Variants in TSHZ2 observed in about 807,000 individuals in gnomAD.
TSHZ2 encodes the protein teashirt zinc finger homeobox 2, also known as teashirt homolog 2.
Under a neutral mutation model 74.4 loss-of-function variants are expected in TSHZ2, and 21 were observed. That is an observed-to-expected ratio of 0.28 (90% CI 0.20 to 0.41). The LOEUF (loss-of-function observed/expected upper bound fraction) is 0.41, where lower values mean the gene tolerates loss of function less well. Among genes scored for constraint, TSHZ2 ranks in the 10% least tolerant of loss-of-function variants. The probability of loss-of-function intolerance (pLI) is 1.00; values close to 1 mark genes in which losing one functional copy is unlikely to be tolerated. For synonymous variants in TSHZ2, 540 were observed against 515.3 expected (o/e 1.05, Z -0.65); for missense variants, 1,244 against 1,293.5 (o/e 0.96, Z 0.59).
intron 1 of TSHZ2, among the ~76,000 whole-genome samples, chr20:53,029,329 T>C (rs1218109955): frequency 6.6e-6 from 1 of 152,246 alleles, no homozygotes; most frequent in Non-Finnish European, 1.5e-5. Context: ...TTATTTGTAT[T>C]AGCCCAGAAA....
Position 53,255,064 on chromosome 20 carries a change from C to A in TSHZ2, c.1606C>A (p.Pro536Thr). ...CATCAACAAAGCCCAAAACGGGGCCCCCAGCTGGAGTGCCTACCCCAGCAT... is the reference window on the plus strand; with the variant it reads ...CATCAACAAAGCCCAAAACGGGGCCACCAGCTGGAGTGCCTACCCCAGCAT... ...TAINKAQNGA[P>T]SWSAYPSIHA... Residue 536 changes from proline (P) to threonine (T), a missense_variant, in exon 2 of 3, where the codon CCC becomes ACC. By Grantham distance (38) the Pro-to-Thr change is conservative. Around this residue, in one of 6 missense-constraint regions of TSHZ2, gnomAD observed 562 missense variants for 544.0 expected, o/e 1.03. Transcript: ENST00000371497. The surrounding 1 kb of genome is among the most constrained non-coding windows in gnomAD (Gnocchi z 4.1). The A allele has an allele frequency of 6.2e-7, 1 of 1,614,150 alleles. No homozygotes were observed. Among genetic ancestry groups the A allele is most frequent in the Non-Finnish European group, 8.5e-7 (1 of 1,180,032 alleles).
chr20:53,254,997 A>G lies in TSHZ2; in HGVS notation c.1539A>G (p.Gly513=). Reference sequence around the variant, plus strand: ...ACTTGGAAGATGGCTCAAAGGGTGGAGGGGACATTTTGAAATCTTTGGAAA... The same window carrying G: ...ACTTGGAAGATGGCTCAAAGGGTGGGGGGGACATTTTGAAATCTTTGGAAA... ...EEDLEDGSKG[G]GDILKSLENT... Residue 513 remains glycine, a synonymous_variant, in exon 2 of 3, where the codon GGA becomes GGG. Transcript: ENST00000371497. 4 of 1,614,216 alleles carry G rather than the reference A, an allele frequency of 2.5e-6. No individual in the cohort carries two copies. Among genetic ancestry groups the G allele is most frequent in the Non-Finnish European group, 3.4e-6 (4 of 1,180,040 alleles).
chr20:53,008,042 TTGTA>T (rs1982710516), intron 1 of TSHZ2, among the ~76,000 whole-genome samples: 1 of 152,128 alleles, frequency 6.6e-6, no homozygotes, highest in Non-Finnish European at 1.5e-5. Context: ...TTCCACTGAA[TTGTA>T]TGTGAGTTAA....
intron 2 of TSHZ2, among the ~76,000 whole-genome samples, chr20:53,316,251 G>T (rs1979012068): frequency 6.6e-6 from 1 of 152,200 alleles, no homozygotes; most frequent in Non-Finnish European, 1.5e-5. Context: ...GTTCATTGTT[G>T]TTGAGCTTGT....
intron 2 of TSHZ2, among the ~76,000 whole-genome samples, chr20:53,483,685 A>G (rs914566434): frequency 6.6e-6 from 1 of 152,220 alleles, no homozygotes; most frequent in Non-Finnish European, 1.5e-5. Context: ...AGTTAAGTAA[A>G]GACACACTAT....
chr20:53,026,981 T>C (rs1419908951), intron 1 of TSHZ2, among the ~76,000 whole-genome samples: 1 of 152,078 alleles, frequency 6.6e-6, no homozygotes, highest in East Asian at 1.9e-4. Flanking sequence ...CGAGACCCTG[T>C]CTTTATAAAC....
chr20:53,237,110 C>G (rs1164331423), intron 1 of TSHZ2, among the ~76,000 whole-genome samples: 2 of 152,170 alleles, frequency 1.3e-5, no homozygotes, highest in African/African-American at 4.8e-5. Flanking sequence ...TGTTGTGAGA[C>G]TGATCTAAAA....
At chr20:53,221,992 G>T (rs1989570962) in intron 1 of TSHZ2, among the ~76,000 whole-genome samples, 1 of 152,134 alleles carries the variant, frequency 6.6e-6, no homozygotes, top group South Asian at 2.1e-4. Flanking sequence ...ACTGACCAGG[G>T]TAATGACTTT....
At chr20:53,232,378 G>T (rs2123673743) in intron 1 of TSHZ2, among the ~76,000 whole-genome samples, 1 of 152,262 alleles carries the variant, frequency 6.6e-6, no homozygotes, top group Middle Eastern at 3.4e-3. Context: ...TGAGGAAACA[G>T]AAGGACCCAG....
At chr20:53,367,420 A>T (rs764132269) in intron 2 of TSHZ2, among the ~76,000 whole-genome samples, 8 of 151,918 alleles carry the variant, frequency 5.3e-5, no homozygotes, top group Non-Finnish European at 1.2e-4. Flanking sequence ...ATAAAATAAT[A>T]AAATAAATTT....
intron 1 of TSHZ2, among the ~76,000 whole-genome samples, chr20:52,993,711 C>T (rs939546757): frequency 1.3e-5 from 2 of 152,148 alleles, no homozygotes; most frequent in African/African-American, 4.8e-5. Context: ...TATAACCTTC[C>T]TTATTGAAAG....
intron 1 of TSHZ2, among the ~76,000 whole-genome samples, chr20:53,149,102 T>C (rs1987614105): frequency 6.6e-6 from 1 of 152,196 alleles, no homozygotes; most frequent in South Asian, 2.1e-4. Context: ...AAACTTTTTC[T>C]GTCTCTCTTC....
intron 2 of TSHZ2, among the ~76,000 whole-genome samples, chr20:53,328,012 C>A (rs1979566967): frequency 6.6e-6 from 1 of 152,314 alleles, no homozygotes; most frequent in Middle Eastern, 3.4e-3. Flanking sequence ...CAACCAGGGC[C>A]TGACCCTTGG....
At chr20:52,974,353 T>A (rs1349872288) in intron 1 of TSHZ2, among the ~76,000 whole-genome samples, 2 of 152,204 alleles carry the variant, frequency 1.3e-5, no homozygotes. Flanking sequence ...TCACTCACCA[T>A]GGTAACTCAG....
At chr20:53,438,035 C>T (rs1015299654) in intron 2 of TSHZ2, among the ~76,000 whole-genome samples, 1 of 152,026 alleles carries the variant, frequency 6.6e-6, no homozygotes, top group African/African-American at 2.4e-5. Context: ...CTTATAGCAA[C>T]GCAAAACAGA....
intron 2 of TSHZ2, among the ~76,000 whole-genome samples, chr20:53,275,501 G>A (rs1020144626): frequency 9.2e-5 from 14 of 152,112 alleles, no homozygotes; most frequent in Non-Finnish European, 1.5e-4. Context: ...GGATTTAGAG[G>A]GGTGGAGGTG....
At chr20:53,257,614 GTTTTCTCTACTTCT>G (rs1487339855) in intron 2 of TSHZ2, among the ~76,000 whole-genome samples, 1 of 152,194 alleles carries the variant, frequency 6.6e-6, no homozygotes. Context: ...GCCCATTTGT[GTTTTCTCTACTTCT>G]TTTTCTCTCC....
chr20:53,390,690 G>T (rs949703501), intron 2 of TSHZ2, among the ~76,000 whole-genome samples: 17 of 152,142 alleles, frequency 1.1e-4, no homozygotes, highest in Non-Finnish European at 1.6e-4. Flanking sequence ...GGGTCAAATG[G>T]TATTTCTGGT....
At chr20:53,120,726 C>T (rs1664093002) in intron 1 of TSHZ2, among the ~76,000 whole-genome samples, 1 of 152,166 alleles carries the variant, frequency 6.6e-6, no homozygotes, top group Non-Finnish European at 1.5e-5. Context: ...AAAGACAGGA[C>T]CCCTGGTGAT....
Sources: allele counts gnomAD v4.1 joint callset (sites outside exome capture counted in the v4.1 genomes callset), GRCh38; gene constraint gnomAD v4.1.1; regional missense constraint gnomAD v4.1.1; non-coding constraint Gnocchi (gnomAD v3.1); transcripts MANE v1.5; gene names NCBI Gene and HGNC (gene_info 2026-07-23, HGNC 2026-07-21).